Variants in DDX42 observed in about 807,000 individuals in gnomAD.
DDX42 encodes the protein DEAD-box helicase 42.
In DDX42, 22 loss-of-function variants were observed where a neutral mutation model predicts 101.5. That is an observed-to-expected ratio of 0.22 (90% CI 0.15 to 0.31). DDX42 has a LOEUF of 0.31. Among genes scored for constraint, DDX42 ranks in the 10% least tolerant of loss-of-function variants. The pLI is 1.00. For synonymous variants in DDX42, 402 were observed against 401.2 expected (o/e 1.00, Z -0.02); for missense variants, 849 against 1,199.9 (o/e 0.71, Z 4.32).
chr17:63,799,944 A>G (rs1773888507), intron 5 of DDX42, among the ~76,000 whole-genome samples: 1 of 152,198 alleles, frequency 6.6e-6, no homozygotes, highest in South Asian at 2.1e-4. Context: ...GGATCTATTG[A>G]TGGCCTCTGG....
At chr17:63,803,621 C>A (rs2039801281) in intron 6 of DDX42, among the ~76,000 whole-genome samples, 1 of 148,544 alleles carries the variant, frequency 6.7e-6, no homozygotes, top group African/African-American at 2.5e-5. Flanking sequence ...ACTGTCCTCT[C>A]TTTTTCAACT....
rs2040012997 is a variant in DDX42, at chr17:63,818,846, G to C, written c.*448G>C. Reference sequence around the variant, plus strand: ...GCAAATTCAATCCATTGAGCTAACTGTTGGGGAGCAATTTGGTAGTTGTAG... The same window carrying C: ...GCAAATTCAATCCATTGAGCTAACTCTTGGGGAGCAATTTGGTAGTTGTAG... On this transcript the variant is annotated 3_prime_UTR_variant, in exon 18 of 18. Coordinates refer to ENST00000389924, the MANE Select transcript of DDX42 (RefSeq NM_203499.3). The C allele has an allele frequency of 6.2e-6, 1 of 160,314 alleles. No individual in the cohort carries two copies. 9.9% of individuals were successfully genotyped at this position (160,314 alleles called of 1,614,324 possible).
intron 14 of DDX42, among the ~76,000 whole-genome samples, chr17:63,812,895 C>T (rs542379121): frequency 2.6e-5 from 4 of 152,198 alleles, no homozygotes; most frequent in East Asian, 3.9e-4. Flanking sequence ...TGTGGTGGCG[C>T]GTGCCTATAA....
In DDX42 at chr17:63,818,458, T is replaced by C; in HGVS notation, c.*60T>C. 6.6e-7 allele frequency: 1 copy of C among 1,514,116 alleles called. No individual in the cohort carries two copies. The highest frequency in any genetic ancestry group is 8.9e-7 in the Non-Finnish European group (1 of 1,126,872). 93.8% of individuals were successfully genotyped at this position (1,514,116 alleles called of 1,614,324 possible). A position where few individuals can be genotyped will look rare whatever the true frequency, so the allele number is the denominator to read the frequency against. ...TAATTTTTAGAAAGATTTTGGTAAC[T>C]AGGTGTCTCAGGGCTGGGTTGGGGT... On this transcript the variant is annotated 3_prime_UTR_variant, in exon 18 of 18. Coordinates refer to ENST00000389924, the MANE Select transcript of DDX42 (RefSeq NM_203499.3).
At chr17:63,800,680 A>G (rs1463784664) in intron 6 of DDX42, 63 bp downstream of exon 6, 49 of 1,574,236 alleles carry the variant, frequency 3.1e-5, no homozygotes, top group Non-Finnish European at 3.9e-5. Flanking sequence ...CAGCTTTAAC[A>G]TTTAGATTTT....
At chr17:63,782,752 G>A (rs2039503793) in intron 1 of DDX42, among the ~76,000 whole-genome samples, 2 of 152,062 alleles carry the variant, frequency 1.3e-5, no homozygotes, top group African/African-American at 4.8e-5. Context: ...TACTTTCCTT[G>A]CCTCTACCAT....
intron 13 of DDX42, 86 bp downstream of exon 13, chr17:63,811,259 A>T (rs1264544085): frequency 1.6e-5 from 11 of 700,858 alleles, no homozygotes; most frequent in East Asian, 3.9e-5. Flanking sequence ...CTATTGAGAT[A>T]AAAAAAAAAG....
At chr17:63,779,001 C>G (rs1051290121) in intron 1 of DDX42, among the ~76,000 whole-genome samples, 18 of 152,014 alleles carry the variant, frequency 1.2e-4, no homozygotes, top group Non-Finnish European at 2.9e-5. Flanking sequence ...GGGCACATAA[C>G]AAAATCATCA....
intron 3 of DDX42, 55 bp from the exon 4 acceptor site, chr17:63,797,983 G>A: frequency 1.3e-6 from 2 of 1,520,204 alleles, no homozygotes; most frequent in Non-Finnish European, 1.8e-6. Flanking sequence ...TCTAAAAATT[G>A]TTTCTTTCAG....
intron 1 of DDX42, among the ~76,000 whole-genome samples, chr17:63,778,789 C>T (rs373642028): frequency 2.0e-5 from 3 of 152,216 alleles, no homozygotes; most frequent in South Asian, 4.1e-4. Flanking sequence ...TATGGGTGCG[C>T]GCCATCACGC....
intron 1 of DDX42, among the ~76,000 whole-genome samples, chr17:63,778,910 AT>A (rs1279457132): frequency 2.0e-5 from 3 of 151,576 alleles, no homozygotes; most frequent in Non-Finnish European, 2.9e-5. Flanking sequence ...ATAATCAGAA[AT>A]TTTTTTTTAG....
intron 3 of DDX42, among the ~76,000 whole-genome samples, chr17:63,794,460 TG>T (rs2039667534): frequency 6.6e-6 from 1 of 151,934 alleles, no homozygotes; most frequent in South Asian, 2.1e-4. Context: ...TAGTGAGCCA[TG>T]ATCATGCCAC....
In DDX42 at chr17:63,818,696, A is replaced by G. The variant is rs780001521; in HGVS notation, c.*298A>G. On this transcript the variant is annotated 3_prime_UTR_variant, in exon 18 of 18. Coordinates refer to ENST00000389924, the MANE Select transcript of DDX42 (RefSeq NM_203499.3). ...AAGGGTCTTCTAGGGCACAAAACTC[A>G]CTCTAGGTTTATATTGTATGTAGCT... 6 of 322,084 alleles carry G rather than the reference A, an allele frequency of 1.9e-5. No individual in the cohort carries two copies. Among genetic ancestry groups the G allele is most frequent in the Admixed American group, 8.9e-5 (2 of 22,564 alleles). The allele number at this position is 322,084 out of a possible 1,614,324, so 20.0% of individuals were successfully genotyped here. A position where few individuals can be genotyped will look rare whatever the true frequency, so the allele number is the denominator to read the frequency against.
At chr17:63,783,757 G>A (rs551852846) in intron 1 of DDX42, among the ~76,000 whole-genome samples, 2 of 152,226 alleles carry the variant, frequency 1.3e-5, no homozygotes, top group East Asian at 3.9e-4. Context: ...TTGATGTAGT[G>A]TAATTCAAGT....
chr17:63,783,566 G>C (rs1055506952), intron 1 of DDX42, among the ~76,000 whole-genome samples: 1 of 152,096 alleles, frequency 6.6e-6, no homozygotes, highest in Non-Finnish European at 1.5e-5. Context: ...CATCACACTG[G>C]AATTACGTTG....
At position 63,774,326 on chromosome 17, in the gene DDX42, T is replaced by G. The variant is rs55868506; in HGVS notation, c.-67T>G. 43,460 of 258,538 alleles carry G rather than the reference T, an allele frequency of 0.17. 6,414 individuals carry two copies. The highest frequency in any genetic ancestry group is 0.36 in the African/African-American group (15,188 of 42,282). The allele number at this position is 258,538 out of a possible 1,614,324, so 16.0% of individuals were successfully genotyped here. On this transcript the variant is annotated 5_prime_UTR_variant, in exon 1 of 18. Transcript: ENST00000389924. ...ACAGCGCGTACTTTGGGCTCCGGGA[T>G]TCGCTCCGCGCCCGCGGTTGTAGCA...
chr17:63,799,018 C>T (rs1184743273), intron 4 of DDX42, among the ~76,000 whole-genome samples: 4 of 152,190 alleles, frequency 2.6e-5, no homozygotes, highest in African/African-American at 9.7e-5. Context: ...GCTCCTGAGA[C>T]ATACAGCAAG....
intron 15 of DDX42, among the ~76,000 whole-genome samples, chr17:63,813,838 C>T (rs1323478324): frequency 6.6e-6 from 1 of 151,586 alleles, no homozygotes; most frequent in South Asian, 2.1e-4. Flanking sequence ...TAGTATAGTG[C>T]CCCCCCACCT....
In DDX42 at chr17:63,799,649, A is replaced by C. The variant is rs762652621; in HGVS notation, c.471+24A>C. 5 of 1,608,852 alleles carry C rather than the reference A, an allele frequency of 3.1e-6. No homozygotes were observed. In the South Asian group the frequency reaches 5.5e-5, roughly 18 times the overall value. On this transcript the variant is annotated intron_variant, in intron 5 of 17. Transcript: ENST00000389924. ...AAGTGAGTTCCTATGCAGTATTTCT[A>C]TCTTTTATTTTTATCCACAAAGTCT...
Sources: allele counts gnomAD v4.1 joint callset (sites outside exome capture counted in the v4.1 genomes callset), GRCh38; gene constraint gnomAD v4.1.1; transcripts MANE v1.5; gene names NCBI Gene and HGNC (gene_info 2026-07-23, HGNC 2026-07-21).